Variants in NLRC5 observed in about 807,000 individuals in gnomAD.
The protein encoded by NLRC5 is protein NLRC5.
NLRC5 carries 114 observed loss-of-function variants against 206.9 expected under a neutral mutation model. The observed-to-expected ratio is 0.55, with a 90% CI of 0.47 to 0.64. NLRC5 has a LOEUF of 0.64. Among genes scored for constraint, NLRC5 ranks in the 30% least tolerant of loss-of-function variants. The pLI is 0.00. For synonymous variants in NLRC5, 952 were observed against 962.8 expected (o/e 0.99, Z 0.21); for missense variants, 2,008 against 2,305.5 (o/e 0.87, Z 2.64).
At position 57,047,587 on chromosome 16, in the gene NLRC5, C is replaced by T. The variant is rs1264125063; in HGVS notation, c.3381C>T (p.Leu1127=). 1 of 1,613,594 alleles carries T rather than the reference C, an allele frequency of 6.2e-7. No homozygotes were observed. Among genetic ancestry groups the T allele is most frequent in the Non-Finnish European group, 8.5e-7 (1 of 1,179,840 alleles). The change falls in exon 23 of 49, where the codon CTC becomes CTT. Residue 1127 remains leucine (L), a synonymous_variant. Coordinates refer to ENST00000688547, the MANE Select transcript of NLRC5 (RefSeq NM_001384950.1). ...TGGAGCCCCCAAGCCTCACCCGCCTCTGTGCCACTCTGAAGGACTGCCCGG... is the reference window on the plus strand; with the variant it reads ...TGGAGCCCCCAAGCCTCACCCGCCTTTGTGCCACTCTGAAGGACTGCCCGG... ...CPLEPPSLTR[L]CATLKDCPGP...
At chr16:57,047,938 G>A in intron 23 of NLRC5, 1 of 406,612 alleles carries the variant, frequency 2.5e-6, no homozygotes, top group Non-Finnish European at 4.5e-6. Context: ...GCCTCACCAG[G>A]GCACCCACTT....
intron 1 of NLRC5, among the ~76,000 whole-genome samples, chr16:57,005,006 T>C (rs1371171588): frequency 6.6e-6 from 1 of 152,174 alleles, no homozygotes. Context: ...ACTGACTGCG[T>C]GACCCTGGCC....
intron 13 of NLRC5, 25 bp downstream of exon 13, chr16:57,034,276 G>T: frequency 7.2e-7 from 1 of 1,396,290 alleles, no homozygotes. Context: ...AAGCCCTGGC[G>T]TAGGAGCCAG....
intron 18 of NLRC5, 47 bp downstream of exon 18, chr16:57,041,621 G>A (rs374046752): frequency 2.7e-6 from 4 of 1,466,268 alleles, no homozygotes; most frequent in Non-Finnish European, 2.9e-6. Flanking sequence ...GCCAATTACA[G>A]TGAGTTAGTG....
Position 57,077,813 on chromosome 16 carries a change from G to T in NLRC5, c.5003+11G>T, listed in dbSNP as rs773012181. Reference sequence around the variant, plus strand: ...CCTGGAGGAGTTGATGTGAGTGTCTGCCCAGGTGGCCTCTGCCCTCTGTGC... The same window carrying T: ...CCTGGAGGAGTTGATGTGAGTGTCTTCCCAGGTGGCCTCTGCCCTCTGTGC... On this transcript the variant is annotated intron_variant, in intron 42 of 48. Coordinates refer to ENST00000688547, the MANE Select transcript of NLRC5 (RefSeq NM_001384950.1). The T allele has an allele frequency of 6.1e-5, 97 of 1,593,762 alleles. No homozygotes were observed. Among genetic ancestry groups the T allele is most frequent in the Non-Finnish European group, 8.0e-5 (93 of 1,168,310 alleles).
Position 57,076,864 on chromosome 16 carries a change from T to C in NLRC5, c.4797T>C (p.Ser1599=), listed in dbSNP as rs770959022. 1 of 1,614,132 alleles carries C rather than the reference T, an allele frequency of 6.2e-7. No homozygotes were observed. The highest frequency in any genetic ancestry group is 1.7e-5 in the Admixed American group (1 of 60,032). Residue 1599 remains serine (S), a synonymous_variant, in exon 40 of 49, where the codon TCT becomes TCC. Transcript: ENST00000688547. ...GTGATGTCGGTTGCTGCCACCTTTC[T>C]GAGGCTCTCAGGGCTGCCACCAGCC... is the stretch of plus-strand genomic sequence containing the variant. ...SIGDVGCCHL[S]EALRAATSLE... is the part of the protein sequence containing the mutation.
In NLRC5 at chr16:57,061,930, A is replaced by AAAAG. The variant is rs71383216; in HGVS notation, c.4154+248_4154+251dup. 1.9e-3 allele frequency: 2,907 copies of AAAAG among 1,517,326 alleles called. 28 individuals carry two copies. In the African/African-American group the frequency reaches 0.027, roughly 14 times the overall value. The allele number at this position is 1,517,326 out of a possible 1,614,324, so 94.0% of individuals were successfully genotyped here. On this transcript the variant is annotated intron_variant, in intron 32 of 48. Transcript: ENST00000688547. ...GGCCTGTGCTTTGGGATTTAAGAAA[A>AAAAG]AAAGAAAGAAAGAAAGAAAGAAGGT... is the stretch of plus-strand genomic sequence containing the variant.
At chr16:57,068,514 A>C (rs1597430547) in intron 36 of NLRC5, among the ~76,000 whole-genome samples, 3 of 145,014 alleles carry the variant, frequency 2.1e-5, no homozygotes, top group Non-Finnish European at 4.5e-5. Flanking sequence ...CTTCTTTCCC[A>C]CCTCCCTTTT....
At chr16:57,067,088 T>G (rs79192623) in intron 34 of NLRC5, among the ~76,000 whole-genome samples, 5,464 of 152,256 alleles carry the variant, frequency 0.036, 505 homozygotes, top group East Asian at 0.33. Context: ...AATGTCACCC[T>G]TTTGAGTGGA....
intron 24 of NLRC5, among the ~76,000 whole-genome samples, chr16:57,053,799 G>A (rs990895481): frequency 1.1e-4 from 17 of 152,200 alleles, no homozygotes; most frequent in Admixed American, 3.9e-4. Context: ...AAAGTACTGA[G>A]ATTACAGGCA....
In NLRC5 at chr16:57,031,463, G is replaced by T. The variant is rs2143014368; in HGVS notation, c.2477G>T (p.Arg826Ile). The change falls in exon 11 of 49, where the codon AGA becomes ATA. Residue 826 changes from arginine to isoleucine, a missense_variant and splice_region_variant. Transcript: ENST00000688547. The stretch of plus-strand genomic sequence containing the variant: ...ACAGAGACAACTGCAGAGCTACAAA[G>T]GTAAGAAGCCAAGAGGCGGTGGGCC... ...PPTETTAELQRAPDLQESDGQ... is the reference protein window; with the variant it reads ...PPTETTAELQIAPDLQESDGQ... 6.2e-7 allele frequency: 1 copy of T among 1,613,770 alleles called. No homozygotes were observed. The highest frequency in any genetic ancestry group is 8.5e-7 in the Non-Finnish European group (1 of 1,179,946).
In NLRC5 at chr16:57,045,821, G is replaced by A. The variant is rs78668964; in HGVS notation, c.3248+329G>A. Among the ~76,000 whole-genome samples, 1,272 of 152,342 alleles carry A rather than the reference G, an allele frequency of 8.3e-3. 12 individuals are homozygous for A. The highest frequency in any genetic ancestry group is 0.029 in the African/African-American group (1,207 of 41,568). ...GAGAACATTTGTGCTTCTGCGTTTC[G>A]GGGAATTTTGTAGACCCACCGCTCC... is the stretch of plus-strand genomic sequence containing the variant. On this transcript the variant is annotated intron_variant, in intron 21 of 48. Coordinates refer to ENST00000688547, the MANE Select transcript of NLRC5 (RefSeq NM_001384950.1).
At chr16:57,075,946 C>A (rs1380686886) in intron 39 of NLRC5, 2 of 154,492 alleles carry the variant, frequency 1.3e-5, no homozygotes, top group Non-Finnish European at 2.9e-5. Flanking sequence ...CACAGTCTCA[C>A]TCTGTCGCCC....
At chr16:57,043,641 C>T (rs1347602610) in intron 20 of NLRC5, 37 bp downstream of exon 20, 3 of 1,534,550 alleles carry the variant, frequency 2.0e-6, no homozygotes, top group South Asian at 2.2e-5. Flanking sequence ...CTGCCCCTGT[C>T]CCCCATCCCA....
intron 1 of NLRC5, among the ~76,000 whole-genome samples, chr16:57,003,502 C>T (rs2058542070): frequency 6.6e-6 from 1 of 152,186 alleles, no homozygotes; most frequent in Non-Finnish European, 1.5e-5. Flanking sequence ...TGCCCCCACT[C>T]ACTGTGGGTG....
chr16:57,074,123 A>C (rs769010635), intron 38 of NLRC5: 2 of 159,454 alleles, frequency 1.3e-5, no homozygotes, highest in South Asian at 3.5e-4. Context: ...CTAGAAGTAC[A>C]ATCGCCTGGG....
At chr16:57,078,652 G>T (rs1305700830) in intron 43 of NLRC5, among the ~76,000 whole-genome samples, 4 of 151,800 alleles carry the variant, frequency 2.6e-5, no homozygotes, top group Non-Finnish European at 5.9e-5. Context: ...TGTATTTTTA[G>T]TAGAGACGGC....
chr16:57,040,456 T>A (rs1397321128), intron 16 of NLRC5, among the ~76,000 whole-genome samples, 194 bp from the exon 17 acceptor site: 1 of 152,188 alleles, frequency 6.6e-6, no homozygotes, highest in Non-Finnish European at 1.5e-5. Flanking sequence ...GCAGTTCACA[T>A]ACAGTCTCCC....
rs150902416 is a variant in NLRC5 at position 57,047,546 on chromosome 16, C to T, written c.3340C>T (p.Leu1114Phe). Residue 1114 changes from leucine (L) to phenylalanine (F), a missense_variant and splice_region_variant, in exon 23 of 49, where the codon CTC (leucine) becomes TTC (phenylalanine). Physicochemically the swap from Leu to Phe is conservative, Grantham distance 22 (BLOSUM62 0). Coordinates refer to ENST00000688547, the MANE Select transcript of NLRC5 (RefSeq NM_001384950.1). The stretch of plus-strand genomic sequence containing the variant: ...GCCCTGCCCATTGCCCCTTTGCAGC[C>T]TCAGTGAGTGTCCTCTGGAGCCCCC... ...RQRCIPRSLCLSECPLEPPSL... is the reference protein window; with the variant it reads ...RQRCIPRSLCFSECPLEPPSL... 5.4e-5 allele frequency: 87 copies of T among 1,611,572 alleles called. 1 individual carries two copies. The African/African-American group carries it at 9.7e-4, about 18-fold the overall frequency.
Sources: gnomAD v4.1 joint callset for allele counts (sites outside exome capture counted in the v4.1 genomes callset) on GRCh38, gnomAD v4.1.1 for gene constraint, MANE v1.5 for transcripts, NCBI Gene and HGNC (gene_info 2026-07-23, HGNC 2026-07-21) for gene names.